Variants in COL14A1 observed in about 807,000 individuals in gnomAD.
COL14A1 encodes the protein collagen type XIV alpha 1 chain.
Under a neutral mutation model 230.3 loss-of-function variants are expected in COL14A1, and 136 were observed. The observed-to-expected ratio is 0.59, with a 90% CI of 0.51 to 0.68. The LOEUF is 0.68. Among genes scored for constraint, COL14A1 ranks in the 30% least tolerant of loss-of-function variants. COL14A1 has a pLI of 0.00. For synonymous variants in COL14A1, 792 were observed against 784.1 expected, an observed-to-expected ratio of 1.01 and a Z score of -0.17; for missense variants, 1,976 against 2,215.8, an observed-to-expected ratio of 0.89 and a Z score of 2.17.
intron 43 of COL14A1, 80 bp from the exon 44 acceptor site, chr8:120,342,300 G>A: frequency 7.0e-7 from 1 of 1,429,144 alleles, no homozygotes; most frequent in Non-Finnish European, 9.9e-7. Flanking sequence ...AATGGGGCAA[G>A]TCAGATCCAC....
intron 2 of COL14A1, among the ~76,000 whole-genome samples, chr8:120,152,893 C>T (rs778047237): frequency 2.0e-5 from 3 of 152,176 alleles, no homozygotes; most frequent in Non-Finnish European, 2.9e-5. Context: ...GGAGACTTCG[C>T]ATAGGGGCTA....
intron 5 of COL14A1, among the ~76,000 whole-genome samples, chr8:120,173,587 C>CTATCTATG (rs1554601696): frequency 6.7e-6 from 1 of 149,106 alleles, no homozygotes; most frequent in African/African-American, 2.5e-5. Flanking sequence ...ATCTATCTAT[C>CTATCTATG]ATTTATCATC....
At chr8:120,234,872 A>T (rs571742194) in intron 19 of COL14A1, among the ~76,000 whole-genome samples, 1 of 152,260 alleles carries the variant, frequency 6.6e-6, no homozygotes, top group Non-Finnish European at 1.5e-5. Context: ...TGCTTCGAAT[A>T]GTTTTAGAAG....
At chr8:120,157,178 A>T (rs1481787358) in intron 2 of COL14A1, among the ~76,000 whole-genome samples, 2 of 152,200 alleles carry the variant, frequency 1.3e-5, no homozygotes, top group African/African-American at 4.8e-5. Context: ...CAGAAAAGAT[A>T]AAACATTCTG....
chr8:120,208,872 G>A lies in COL14A1; in HGVS notation c.1321+511G>A, dbSNP rs955957017. On this transcript the variant is annotated intron_variant, in intron 11 of 47. Transcript: ENST00000297848. ...CAACATACACACATAATACACACAC[G>A]CACACAGAATCATGAGAAGAGATAA... 1.5e-4 allele frequency among the ~76,000 whole-genome samples: 23 copies of A among 151,716 alleles called. No individual in the cohort carries two copies. The East Asian group carries it at 2.1e-3, about 14-fold the overall frequency.
chr8:120,338,569 A>G (rs1822166354), intron 42 of COL14A1, among the ~76,000 whole-genome samples: 1 of 152,198 alleles, frequency 6.6e-6, no homozygotes, highest in Admixed American at 6.5e-5. Context: ...GCACTAAATA[A>G]GTTAATCTTA....
intron 5 of COL14A1, among the ~76,000 whole-genome samples, chr8:120,184,118 C>T (rs555133353): frequency 6.6e-6 from 1 of 151,936 alleles, no homozygotes; most frequent in East Asian, 1.9e-4. Context: ...TGAAAGCTAT[C>T]ACTAAGTGGT....
chr8:120,195,010 T>C (rs953958040), intron 5 of COL14A1, among the ~76,000 whole-genome samples: 2 of 152,352 alleles, frequency 1.3e-5, no homozygotes, highest in East Asian at 1.9e-4. Context: ...AGAAAGGGAA[T>C]CTGGTGCCAG....
intron 13 of COL14A1, among the ~76,000 whole-genome samples, chr8:120,213,447 G>GT (rs1817667646): frequency 6.6e-6 from 1 of 152,150 alleles, no homozygotes; most frequent in South Asian, 2.1e-4. Context: ...CAAAATAGAA[G>GT]TTTAATGATA....
intron 44 of COL14A1, among the ~76,000 whole-genome samples, chr8:120,344,299 A>T (rs1822420445): frequency 6.6e-6 from 1 of 152,178 alleles, no homozygotes; most frequent in Non-Finnish European, 1.5e-5. Context: ...TTCAGCTGCC[A>T]CTCAGAACTG....
At chr8:120,320,301 A>G (rs957949218) in intron 40 of COL14A1, among the ~76,000 whole-genome samples, 3 of 152,236 alleles carry the variant, frequency 2.0e-5, no homozygotes. Flanking sequence ...CATTTATAAT[A>G]TTTTATAAGG....
chr8:120,236,196 T>G (rs1274169845), intron 19 of COL14A1, among the ~76,000 whole-genome samples: 1 of 152,200 alleles, frequency 6.6e-6, no homozygotes, highest in Non-Finnish European at 1.5e-5. Context: ...CATTTATCTG[T>G]CTAATATTGA....
At chr8:120,239,109 CT>C (rs1472192830) in intron 19 of COL14A1, among the ~76,000 whole-genome samples, 2 of 152,202 alleles carry the variant, frequency 1.3e-5, no homozygotes, top group African/African-American at 4.8e-5. Context: ...GCCTGGTACA[CT>C]TTTAATCATG....
chr8:120,159,457 G>A (rs1167683335), intron 3 of COL14A1, among the ~76,000 whole-genome samples: 1 of 151,890 alleles, frequency 6.6e-6, no homozygotes, highest in Non-Finnish European at 1.5e-5. Context: ...ATATATTTAT[G>A]TAAACATAAT....
chr8:120,270,268 A>G (rs1819620876), intron 26 of COL14A1, 94 bp downstream of exon 26: 2 of 1,270,740 alleles, frequency 1.6e-6, no homozygotes, highest in Non-Finnish European at 2.1e-6. Context: ...TAGGTCAAGA[A>G]CTGTAATGAT....
At chr8:120,348,919 TA>T (rs1282758680) in intron 45 of COL14A1, among the ~76,000 whole-genome samples, 2 of 152,228 alleles carry the variant, frequency 1.3e-5, no homozygotes, top group Non-Finnish European at 2.9e-5. Flanking sequence ...CTTCTTTTGT[TA>T]AAAGAACGAG....
chr8:120,197,389 A>G (rs1563665990), intron 6 of COL14A1, among the ~76,000 whole-genome samples: 1 of 152,138 alleles, frequency 6.6e-6, no homozygotes, highest in Non-Finnish European at 1.5e-5. Flanking sequence ...TTGAGCAATT[A>G]CAAATATTTA....
intron 25 of COL14A1, 180 bp downstream of exon 25, chr8:120,267,063 TC>T (rs2129798021): frequency 1.7e-6 from 1 of 575,590 alleles, no homozygotes; most frequent in African/African-American, 1.9e-5. Context: ...TAATATCAAT[TC>T]TGCACACAAA....
rs143863116 is a variant in COL14A1 at position 120,125,828 on chromosome 8, A to G, written c.-38+488A>G. Among the ~76,000 whole-genome samples, 73 of 152,304 alleles carry G rather than the reference A, an allele frequency of 4.8e-4. No individual in the cohort carries two copies. The East Asian group carries it at 5.0e-3, about 10-fold the overall frequency. The stretch of plus-strand genomic sequence containing the variant: ...CTTGAGAGAGCTGCTGATGGAGATC[A>G]TAGGGGACGAAACTCACCCAGTCAC... On this transcript the variant is annotated intron_variant, in intron 1 of 47. Transcript: ENST00000297848.
Sources: gnomAD v4.1 joint callset for allele counts (sites outside exome capture counted in the v4.1 genomes callset) on GRCh38, gnomAD v4.1.1 for gene constraint, MANE v1.5 for transcripts, NCBI Gene and HGNC (gene_info 2026-07-23, HGNC 2026-07-21) for gene names.